The following PREX1 variants were observed in gnomAD, a reference collection of about 807,000 sequenced individuals.
PREX1 encodes the protein phosphatidylinositol-3,4,5-trisphosphate dependent Rac exchange factor 1, also known as phosphatidylinositol 3,4,5-trisphosphate-dependent Rac exchanger 1 protein.
In PREX1, 41 loss-of-function variants were observed where a neutral mutation model predicts 198.3. That is an observed-to-expected ratio of 0.21 (90% CI 0.16 to 0.27). PREX1 has a LOEUF of 0.27. Ranked by LOEUF, PREX1 falls within the 10% of genes least tolerant of loss-of-function variation. The probability of loss-of-function intolerance (pLI) is 1.00; values close to 1 mark genes in which losing one functional copy is unlikely to be tolerated. For missense variants in PREX1, 1,620 were observed against 2,200.7 expected, an observed-to-expected ratio of 0.74 and a Z score of 5.28; for synonymous variants, 843 against 887.2, an observed-to-expected ratio of 0.95 and a Z score of 0.89.
intron 1 of PREX1, among the ~76,000 whole-genome samples, chr20:48,800,571 CTT>C (rs2090381988): frequency 6.6e-6 from 1 of 152,224 alleles, no homozygotes; most frequent in South Asian, 2.1e-4. Context: ...TGTTCCCTCT[CTT>C]TCCCTCCCTC....
the PREX1 span, among the ~76,000 whole-genome samples, chr20:48,873,909 A>C: frequency 5.1e-4 from 78 of 152,118 alleles, no homozygotes; most frequent in African/African-American, 1.9e-3. Context: ...GTGCCGAGAC[A>C]GTCTTGCTCT....
chr20:48,655,420 C>T (rs372166191), intron 18 of PREX1, 45 bp from the exon 19 acceptor site: 1 of 1,408,306 alleles, frequency 7.1e-7, no homozygotes. Context: ...TGAGGAAAAC[C>T]AGCATCACTC....
chr20:48,815,368 T>C (rs191656502), intron 1 of PREX1, among the ~76,000 whole-genome samples: 3 of 152,272 alleles, frequency 2.0e-5, no homozygotes, highest in Admixed American at 2.0e-4. Context: ...GTCCCTAAGG[T>C]AGACTATCTG....
chr20:48,782,622 C>A (rs905511228), intron 1 of PREX1, among the ~76,000 whole-genome samples: 1 of 152,010 alleles, frequency 6.6e-6, no homozygotes, highest in African/African-American at 2.4e-5. Flanking sequence ...AAATAATGGC[C>A]GGCCAGGGAA....
intron 22 of PREX1, 57 bp from the exon 23 acceptor site, chr20:48,651,112 G>A (rs554438088): frequency 3.0e-5 from 48 of 1,589,432 alleles, no homozygotes; most frequent in Middle Eastern, 1.7e-4. Context: ...GATTTTAAGC[G>A]GTTCACCCAC....
At chr20:48,682,996 A>C (rs2089762033) in intron 10 of PREX1, among the ~76,000 whole-genome samples, 1 of 152,144 alleles carries the variant, frequency 6.6e-6, no homozygotes, top group African/African-American at 2.4e-5. Flanking sequence ...GAGCATTCAG[A>C]ATGCCCTGGC....
At chr20:48,793,493 C>G (rs574398871) in intron 1 of PREX1, among the ~76,000 whole-genome samples, 3 of 152,312 alleles carry the variant, frequency 2.0e-5, no homozygotes, top group African/African-American at 7.2e-5. Context: ...TCCCATTTTA[C>G]AGATGAGAAA....
rs764154607 is a variant in PREX1 at position 48,751,145 on chromosome 20, G to A, written c.220-3265C>T. Among the ~76,000 whole-genome samples the A allele has an allele frequency of 4.6e-5, 7 of 152,210 alleles. No individual in the cohort carries two copies. In the East Asian group the frequency reaches 7.7e-4, roughly 17 times the overall value. On this transcript the variant is annotated intron_variant, in intron 1 of 39. Coordinates refer to ENST00000371941, the MANE Select transcript of PREX1 (RefSeq NM_020820.4). The stretch of plus-strand genomic sequence containing the variant: ...CCTGGCACAGTGCCTGACCCATGCC[G>A]GAGACCTCGACTCAGGCTCCTTGGA...
intron 11 of PREX1, among the ~76,000 whole-genome samples, chr20:48,680,470 C>T (rs917308101): frequency 3.3e-5 from 5 of 152,180 alleles, no homozygotes; most frequent in Non-Finnish European, 5.9e-5. Flanking sequence ...AAAGACCCTA[C>T]AATTCTCTAT....
intron 1 of PREX1, among the ~76,000 whole-genome samples, chr20:48,811,617 TAC>T (rs1568650738): frequency 0.043 from 5,255 of 122,516 alleles, 155 homozygotes; most frequent in African/African-American, 0.073. Context: ...AAGACCTGGA[TAC>T]ACACCCCCCC....
chr20:48,833,899 C>A, the PREX1 span, among the ~76,000 whole-genome samples: 2 of 152,088 alleles, frequency 1.3e-5, no homozygotes, highest in Non-Finnish European at 2.9e-5. Context: ...CTGGCTAACA[C>A]GGTGAAACCC....
At chr20:48,868,238 C>A in the PREX1 span, among the ~76,000 whole-genome samples, 4 of 152,176 alleles carry the variant, frequency 2.6e-5, no homozygotes, top group Admixed American at 2.6e-4. Context: ...AAAACCCAAA[C>A]CCCTTCTAGG....
chr20:48,760,709 T>C (rs1568854052), intron 1 of PREX1, among the ~76,000 whole-genome samples: 1 of 152,070 alleles, frequency 6.6e-6, no homozygotes, highest in African/African-American at 2.4e-5. Flanking sequence ...ACAAGTCCTC[T>C]CCGAGTACCA....
Position 48,666,455 on chromosome 20 carries a change from C to A in PREX1, c.1666-100G>T. ...CAACCACCCAAGAAGGTAGGCTCCA[C>A]GAGGGCCAGGGGTTGTCTGTTTTGT... On this transcript the variant is annotated intron_variant, in intron 14 of 39. Transcript: ENST00000371941. The surrounding 1 kb of genome is among the most constrained non-coding windows in gnomAD (Gnocchi z 4.3). 1.0e-6 allele frequency: 1 copy of A among 978,782 alleles called. No homozygotes were observed. The highest frequency in any genetic ancestry group is 1.6e-6 in the Non-Finnish European group (1 of 640,274). The allele number at this position is 978,782 out of a possible 1,614,324, so 60.6% of individuals were successfully genotyped here.
At chr20:48,656,824 C>T (rs2089547382) in intron 18 of PREX1, among the ~76,000 whole-genome samples, 1 of 152,216 alleles carries the variant, frequency 6.6e-6, no homozygotes, top group Non-Finnish European at 1.5e-5. Flanking sequence ...CGCATGCATC[C>T]CCACGTGGCT....
chr20:48,778,060 A>T (rs1316716222), intron 1 of PREX1, among the ~76,000 whole-genome samples: 1 of 152,192 alleles, frequency 6.6e-6, no homozygotes, highest in Non-Finnish European at 1.5e-5. Flanking sequence ...CTAAAGGGTA[A>T]GCTGTGACTG....
Position 48,800,824 on chromosome 20 carries a change from A to AT in PREX1, c.219+26817dup, listed in dbSNP as rs887887925. On this transcript the variant is annotated intron_variant, in intron 1 of 39. Transcript: ENST00000371941. Reference sequence around the variant, plus strand: ...TAACCACTCTGGATGCAAATATCTAATTTTTTTTTTTTGTAGTGACAGGAT... The same window carrying AT: ...TAACCACTCTGGATGCAAATATCTAATTTTTTTTTTTTTGTAGTGACAGGAT... Among the ~76,000 whole-genome samples, 155 of 146,984 alleles carry AT rather than the reference A, an allele frequency of 1.1e-3. 1 individual carries two copies. Among genetic ancestry groups the AT allele is most frequent in the Middle Eastern group, 3.5e-3 (1 of 286 alleles).
chr20:48,880,981 T>TAAAAAAAAAA, the PREX1 span, among the ~76,000 whole-genome samples: 11 of 20,996 alleles, frequency 5.2e-4, 1 homozygote, highest in African/African-American at 2.6e-3. Flanking sequence ...AAACCATTGC[T>TAAAAAAAAAA]AAAAAAAAAA....
chr20:48,885,262 C>T, the PREX1 span, among the ~76,000 whole-genome samples: 1 of 152,140 alleles, frequency 6.6e-6, no homozygotes, highest in African/African-American at 2.4e-5. Flanking sequence ...AGGTCCAGCA[C>T]CTAAAAGAGT....
Sources: allele counts gnomAD v4.1 joint callset (sites outside exome capture counted in the v4.1 genomes callset), GRCh38; gene constraint gnomAD v4.1.1; non-coding constraint Gnocchi (gnomAD v3.1); transcripts MANE v1.5; gene names NCBI Gene and HGNC (gene_info 2026-07-23, HGNC 2026-07-21).